The following EMG1 variants were observed in gnomAD, a reference collection of about 807,000 sequenced individuals.
The protein encoded by EMG1 is ribosomal RNA small subunit methyltransferase NEP1.
A neutral mutation model predicts 26.9 loss-of-function variants in EMG1; 24 were observed. That is an observed-to-expected ratio of 0.89 (90% confidence interval 0.65 to 1.26). The LOEUF (loss-of-function observed/expected upper bound fraction) is 1.26. EMG1 is among the 50% of genes most tolerant of loss of function. EMG1 has a pLI of 0.00. For missense variants in EMG1, 299 were observed against 307.6 expected (o/e 0.97, Z 0.21); for synonymous variants, 140 against 112.6 (o/e 1.24, Z -1.54).
Position 6,978,107 on chromosome 12 carries a change from T to C in EMG1, c.*2298T>C. On this transcript the variant is annotated 3_prime_UTR_variant, in exon 6 of 6. Coordinates refer to ENST00000599672, the MANE Select transcript of EMG1 (RefSeq NM_006331.8). ...GAGGACATAAGTCCATTGGCAGAGCTGGAGTAACACCCAGGTCTTAACGCA... is the reference window on the plus strand; with the variant it reads ...GAGGACATAAGTCCATTGGCAGAGCCGGAGTAACACCCAGGTCTTAACGCA... 1.7e-6 allele frequency: 1 copy of C among 578,628 alleles called. No individual in the cohort carries two copies. Among genetic ancestry groups the C allele is most frequent in the South Asian group, 2.2e-5 (1 of 45,622 alleles). The allele number at this position is 578,628 out of a possible 1,614,324, so 35.8% of individuals were successfully genotyped here.
chr12:6,980,157 C>T (rs187448382), downstream of EMG1, among the ~76,000 whole-genome samples: 1 of 152,092 alleles, frequency 6.6e-6, no homozygotes, highest in Non-Finnish European at 1.5e-5. Flanking sequence ...AAGCGATCCC[C>T]TTGCCTTGGC....
chr12:6,982,240 T>C (rs1459009005), downstream of EMG1, among the ~76,000 whole-genome samples: 1 of 152,168 alleles, frequency 6.6e-6, no homozygotes, highest in African/African-American at 2.4e-5. Flanking sequence ...GGTTTCACCA[T>C]GTTGCCCGGG....
downstream of EMG1, chr12:6,981,888 C>G (rs1946475083): frequency 6.2e-7 from 1 of 1,608,380 alleles, no homozygotes; most frequent in South Asian, 1.1e-5. Flanking sequence ...GTAATAGTAT[C>G]CAGCCAGAAG....
chr12:6,992,463 T>C (rs1555155609), downstream of EMG1, among the ~76,000 whole-genome samples: 1 of 152,240 alleles, frequency 6.6e-6, no homozygotes. Context: ...TGATTTGTGC[T>C]AAGGCGCCAG....
chr12:6,980,847 G>A (rs987523000), downstream of EMG1: 6 of 566,340 alleles, frequency 1.1e-5, no homozygotes, highest in Admixed American at 3.2e-5. Flanking sequence ...ACTAAAAAGG[G>A]CCCACTCCTG....
Position 6,975,959 on chromosome 12 carries a change from T to C in EMG1, c.*150T>C. ...GTACATTTGCTATTTGTTTATCCTA[T>C]GAATACTGTTCTTGCAAACCTGGTT... On this transcript the variant is annotated 3_prime_UTR_variant, in exon 6 of 6. Transcript: ENST00000599672. The C allele has an allele frequency of 5.0e-6, 3 of 604,638 alleles. No individual in the cohort carries two copies. In the South Asian group the frequency reaches 6.1e-5, roughly 12 times the overall value. 37.5% of individuals were successfully genotyped at this position (604,638 alleles called of 1,614,324 possible).
In EMG1 at chr12:6,978,903, G is replaced by T. The variant is rs1425152794; in HGVS notation, c.*3094G>T. 4.8e-6 allele frequency: 3 copies of T among 620,356 alleles called. No individual in the cohort carries two copies. The allele number at this position is 620,356 out of a possible 1,614,324, so 38.4% of individuals were successfully genotyped here. ...TATTCATTCGCCTTTCCCTTGGAGAGCCTCAAGGGCAGCACTGTATTTAAC... is the reference window on the plus strand; with the variant it reads ...TATTCATTCGCCTTTCCCTTGGAGATCCTCAAGGGCAGCACTGTATTTAAC... On this transcript the variant is annotated 3_prime_UTR_variant, in exon 6 of 6. Transcript: ENST00000599672.
chr12:6,984,574 C>T (rs932822239), downstream of EMG1, among the ~76,000 whole-genome samples: 1 of 152,136 alleles, frequency 6.6e-6, no homozygotes, highest in Non-Finnish European at 1.5e-5. Flanking sequence ...ATACTTTCTG[C>T]AATTCTTGCT....
chr12:6,983,008 G>A (rs782464331), downstream of EMG1: 11 of 603,334 alleles, frequency 1.8e-5, no homozygotes, highest in South Asian at 3.2e-5. Context: ...TTAGAGATGC[G>A]ACTTGCTCTG....
At chr12:6,980,969 C>A (rs1946465010), downstream of EMG1, 2 of 1,537,016 alleles carry the variant, frequency 1.3e-6, no homozygotes, top group South Asian at 1.3e-5. Flanking sequence ...GAGTGAAATA[C>A]CTACACAAAC....
At chr12:6,985,110 G>T (rs1168792121) in intron 6 of EMG1, among the ~76,000 whole-genome samples, 8 of 140,536 alleles carry the variant, frequency 5.7e-5, no homozygotes, top group Non-Finnish European at 7.7e-5. Context: ...AAAAAAAAAA[G>T]GCTGGGCGCG....
Position 6,977,824 on chromosome 12 carries a change from T to G in EMG1, c.*2015T>G. The G allele has an allele frequency of 1.3e-6, 2 of 1,542,700 alleles. No individual in the cohort carries two copies. Among genetic ancestry groups the G allele is most frequent in the Non-Finnish European group, 1.8e-6 (2 of 1,122,620 alleles). ...GCCACCTGCCTCTGGGTCCTCACCC[T>G]GAGGATTGGATTGGAGTGCTGGTGG... On this transcript the variant is annotated 3_prime_UTR_variant, in exon 6 of 6. Transcript: ENST00000599672. This position sits in a 1 kb window ranked among gnomAD's most constrained non-coding sequence, Gnocchi z 4.5.
At chr12:6,974,841 C>T (rs956187350) in intron 3 of EMG1, 148 bp downstream of exon 3, 8 of 978,680 alleles carry the variant, frequency 8.2e-6, no homozygotes, top group Non-Finnish European at 1.2e-5. Context: ...TATTATTTTT[C>T]TATGTTTGTG....
downstream of EMG1, chr12:6,980,911 C>T (rs1946464026): frequency 7.6e-7 from 1 of 1,318,258 alleles, no homozygotes; most frequent in South Asian, 1.5e-5. Flanking sequence ...GGTCTCTATG[C>T]CAGGGTCATG....
chr12:6,971,127 G>C, intron 1 of EMG1, 36 bp downstream of exon 1: 1 of 1,563,810 alleles, frequency 6.4e-7, no homozygotes, highest in South Asian at 1.1e-5. Flanking sequence ...GTAGTAAATC[G>C]ATAGGTTGGG....
At chr12:6,988,877 A>G (rs892151049), downstream of EMG1, among the ~76,000 whole-genome samples, 2 of 152,190 alleles carry the variant, frequency 1.3e-5, no homozygotes, top group Non-Finnish European at 2.9e-5. Flanking sequence ...CTGTAATCCC[A>G]GCACTTTGGG....
chr12:6,992,976 TTATTTA>T (rs781882532), downstream of EMG1, among the ~76,000 whole-genome samples: 14 of 152,332 alleles, frequency 9.2e-5, 1 homozygote, highest in South Asian at 2.9e-3. Flanking sequence ...ATATTGTTTT[TTATTTA>T]TATTTTTATT....
chr12:6,970,974 G>A lies in EMG1; in HGVS notation c.51G>A (p.Glu17=), dbSNP rs1555152111. The A allele has an allele frequency of 6.2e-6, 10 of 1,612,922 alleles. No homozygotes were observed. Among genetic ancestry groups the A allele is most frequent in the Non-Finnish European group, 8.5e-6 (10 of 1,179,416 alleles). ...GFKPRERSGG[E]QAQDWDALPP... ...AGCCTCGTGAACGAAGCGGTGGGGAGCAGGCACAGGACTGGGATGCTCTGC... is the reference window on the plus strand; with the variant it reads ...AGCCTCGTGAACGAAGCGGTGGGGAACAGGCACAGGACTGGGATGCTCTGC... The change falls in exon 1 of 6, where the codon GAG becomes GAA. Residue 17 remains glutamate (E), a synonymous_variant. Transcript: ENST00000599672.
chr12:6,974,971 C>A, intron 3 of EMG1, 119 bp from the exon 4 acceptor site: 1 of 1,042,424 alleles, frequency 9.6e-7, no homozygotes, highest in Non-Finnish European at 1.5e-6. Flanking sequence ...TTCAGGAGTC[C>A]AGTCTAGATA....
Sources: allele counts gnomAD v4.1 joint callset (sites outside exome capture counted in the v4.1 genomes callset), GRCh38; gene constraint gnomAD v4.1.1; non-coding constraint Gnocchi (gnomAD v3.1); transcripts MANE v1.5; gene names NCBI Gene and HGNC (gene_info 2026-07-23, HGNC 2026-07-21).